MICAL3: variants seen among roughly 807,000 people sequenced by gnomAD.
The protein encoded by MICAL3 is microtubule associated monooxygenase, calponin and LIM domain containing 3, also known as [F-actin]-monooxygenase MICAL3.
Under a neutral mutation model 207.4 loss-of-function variants are expected in MICAL3, and 62 were observed. The ratio of observed to expected loss-of-function variants is 0.30; its 90% CI spans 0.24 to 0.37. The LOEUF is 0.37. Among genes scored for constraint, MICAL3 ranks in the 10% least tolerant of loss-of-function variants. The probability of loss-of-function intolerance (pLI) is 1.00; values close to 1 mark genes in which losing one functional copy is unlikely to be tolerated. For missense variants in MICAL3, 2,368 were observed against 2,635.6 expected (o/e 0.90, Z 2.22); for synonymous variants, 1,077 against 1,069.3 (o/e 1.01, Z -0.14).
chr22:17,889,001 G>A (rs763783796), intron 13 of MICAL3, 33 bp downstream of exon 13: 1 of 1,501,160 alleles, frequency 6.7e-7, no homozygotes, highest in Middle Eastern at 1.8e-4. Context: ...CACAGCAGCA[G>A]GGGGCCGCAA....
chr22:17,993,862 G>A (rs946538575), intron 1 of MICAL3, among the ~76,000 whole-genome samples: 14 of 152,154 alleles, frequency 9.2e-5, no homozygotes, highest in African/African-American at 3.1e-4. Flanking sequence ...AGGTAACCCC[G>A]TGGAATATGC....
At chr22:17,797,703 A>C (rs1434407982) in intron 29 of MICAL3, among the ~76,000 whole-genome samples, 3 of 152,236 alleles carry the variant, frequency 2.0e-5, no homozygotes. Flanking sequence ...AATATCATAC[A>C]TGAATCATGG....
intron 20 of MICAL3, among the ~76,000 whole-genome samples, chr22:17,835,925 G>A (rs1923311648): frequency 6.6e-6 from 1 of 152,202 alleles, no homozygotes; most frequent in African/African-American, 2.4e-5. Context: ...TGAAAGCCAG[G>A]GCAGGCTTAC....
At position 17,852,271 on chromosome 22, in the gene MICAL3, G is replaced by A. The variant is rs779172907; in HGVS notation, c.2606-10254C>T. On this transcript the variant is annotated intron_variant, in intron 19 of 31. Coordinates refer to ENST00000441493, the MANE Select transcript of MICAL3 (RefSeq NM_015241.3). ...TTTTGGAAAGAAACTAAAGTTGCCT[G>A]CCGCAGTGCCCATGACTACCCTGTA... 1.3e-3 allele frequency among the ~76,000 whole-genome samples: 192 copies of A among 152,330 alleles called. 1 individual carries two copies. Among genetic ancestry groups the A allele is most frequent in the Non-Finnish European group, 1.5e-3 (105 of 68,034 alleles).
rs5992108 is a variant in MICAL3, at chr22:17,810,285, A to C, written c.5556+418T>G. ...TCACCGTGTTAGCCAGGATGGTCTC[A>C]ATCTCCTGACCTTGTGATCCGCCCG... On this transcript the variant is annotated intron_variant, in intron 28 of 31. Transcript: ENST00000441493. Among the ~76,000 whole-genome samples, 675 of 151,998 alleles carry C rather than the reference A, an allele frequency of 4.4e-3. 4 individuals carry two copies. Among genetic ancestry groups the C allele is most frequent in the African/African-American group, 0.015 (612 of 41,472 alleles).
rs766268313 is a variant in MICAL3, at chr22:17,790,796, C to A, written c.5945G>T (p.Arg1982Ile). ...AGCCTCCAGGTCCTTGTCCTCCTCT[C>A]TCTCCCGGAGCCGCTGCTCCTCCAG... ...ALLEEQRLRE[R>I]EEDKDLEAAM... The change falls in exon 32 of 32, where the codon AGA (arginine) becomes ATA (isoleucine). Residue 1982 changes from arginine (R) to isoleucine (I), a missense_variant. Around this residue, in one of 4 missense-constraint regions of MICAL3, gnomAD observed 1,770 missense variants for 1,863.2 expected, o/e 0.95. Coordinates refer to ENST00000441493, the MANE Select transcript of MICAL3 (RefSeq NM_015241.3). 5 of 1,613,334 alleles carry A rather than the reference C, an allele frequency of 3.1e-6. 1 individual carries two copies. The South Asian group carries it at 5.5e-5, about 18-fold the overall frequency.
rs67222681 is a variant in MICAL3, at chr22:17,929,568, C to CTTTTTTTTT, written c.-74-22691_-74-22683dup. On this transcript the variant is annotated intron_variant, in intron 1 of 31. Transcript: ENST00000441493. ...ATTTTTCTTTCTTTCCTTTTCTTTT[C>CTTTTTTTTT]TTTTTTTTTTTTTTTTTTTGACAGG... Among the ~76,000 whole-genome samples the CTTTTTTTTT allele has an allele frequency of 1.2e-3, 136 of 108,892 alleles. 2 individuals carry two copies. The highest frequency in any genetic ancestry group is 1.8e-3 in the Non-Finnish European group (102 of 56,908). The allele number at this position is 108,892 out of a possible 152,430, so 71.4% of individuals were successfully genotyped here.
At chr22:18,020,135 A>T (rs1230763711) in intron 1 of MICAL3, 1 of 152,106 alleles carries the variant, frequency 6.6e-6, no homozygotes, top group African/African-American at 2.4e-5. Context: ...TTTTAAGAGG[A>T]CAATTTTAGA....
At chr22:17,804,727 G>A (rs981065875) in intron 29 of MICAL3, among the ~76,000 whole-genome samples, 3 of 152,176 alleles carry the variant, frequency 2.0e-5, no homozygotes, top group Non-Finnish European at 2.9e-5. Flanking sequence ...CGGCCGCCAT[G>A]GTGTTGCCCT....
chr22:17,899,591 T>C (rs1489178121), intron 6 of MICAL3, 43 bp from the exon 7 acceptor site: 1 of 1,289,014 alleles, frequency 7.8e-7, no homozygotes, highest in Admixed American at 1.9e-5. Flanking sequence ...TTTGCTGAGA[T>C]GAAGGTGCAT....
chr22:17,839,673 TC>T (rs896480317), intron 20 of MICAL3: 18 of 151,834 alleles, frequency 1.2e-4, no homozygotes, highest in African/African-American at 4.1e-4. Context: ...TTCCAGTGAT[TC>T]TCCTGCCTCA....
intron 22 of MICAL3, among the ~76,000 whole-genome samples, chr22:17,825,494 C>T (rs1922079995): frequency 6.6e-6 from 1 of 152,100 alleles, no homozygotes; most frequent in South Asian, 2.1e-4. Flanking sequence ...GCCCTAGGGA[C>T]CCAAGCTATC....
chr22:17,897,654 T>C (rs1930969868), intron 7 of MICAL3, among the ~76,000 whole-genome samples: 1 of 152,008 alleles, frequency 6.6e-6, no homozygotes, highest in Non-Finnish European at 1.5e-5. Flanking sequence ...ATGGCTTTTG[T>C]CAAATGGGAC....
intron 28 of MICAL3, among the ~76,000 whole-genome samples, chr22:17,809,492 G>T (rs1399646715): frequency 6.6e-6 from 1 of 152,208 alleles, no homozygotes; most frequent in Non-Finnish European, 1.5e-5. Context: ...AAATTAGCTG[G>T]ATGTGGTGGC....
At chr22:17,837,277 C>T (rs529642667) in intron 20 of MICAL3, among the ~76,000 whole-genome samples, 122 of 152,374 alleles carry the variant, frequency 8.0e-4, no homozygotes, top group Non-Finnish European at 1.5e-3. Flanking sequence ...CCTGAGGGAG[C>T]GGCCTTCTCC....
intron 1 of MICAL3, among the ~76,000 whole-genome samples, chr22:17,927,880 G>A (rs1339805440): frequency 6.6e-6 from 1 of 152,078 alleles, no homozygotes; most frequent in African/African-American, 2.4e-5. Context: ...CCTCCCACCA[G>A]GTGCTGGGCT....
rs961952031 is a variant in MICAL3, at chr22:17,900,690, G to A, written c.847+152C>T. On this transcript the variant is annotated intron_variant, in intron 6 of 31. Transcript: ENST00000441493. This position sits in a 1 kb window ranked among gnomAD's most constrained non-coding sequence, Gnocchi z 4.0. ...AGACAAGTTCTGCAGGAAGCAATGC[G>A]CTAGGAAGAAGGAACAGGAGTGAAA... Among the ~76,000 whole-genome samples, 2 of 152,148 alleles carry A rather than the reference G, an allele frequency of 1.3e-5. No homozygotes were observed. The highest frequency in any genetic ancestry group is 4.8e-5 in the African/African-American group (2 of 41,444).
In MICAL3 at chr22:17,871,734, G is replaced by A. The variant is rs5746488; in HGVS notation, c.2428+103C>T. ...CTGGGAGAGGCATGATGGAAAAGAC[G>A]CACATGGAATAAGGCAGGAAGGGGC... is the stretch of plus-strand genomic sequence containing the variant. On this transcript the variant is annotated intron_variant, in intron 17 of 31. Coordinates refer to ENST00000441493, the MANE Select transcript of MICAL3 (RefSeq NM_015241.3). 2,201 of 1,015,572 alleles carry A rather than the reference G, an allele frequency of 2.2e-3. 20 individuals carry two copies. Among genetic ancestry groups the A allele is most frequent in the East Asian group, 0.021 (781 of 36,758 alleles). The allele number at this position is 1,015,572 out of a possible 1,614,324, so 62.9% of individuals were successfully genotyped here. A position where few individuals can be genotyped will look rare whatever the true frequency, so the allele number is the denominator to read the frequency against.
chr22:17,925,475 A>G (rs548760091), intron 1 of MICAL3, among the ~76,000 whole-genome samples: 10 of 152,334 alleles, frequency 6.6e-5, no homozygotes, highest in Admixed American at 2.0e-4. Flanking sequence ...CCAAACCTGA[A>G]GACGATTATG....
Sources: gnomAD v4.1 joint callset for allele counts (sites outside exome capture counted in the v4.1 genomes callset) on GRCh38, gnomAD v4.1.1 for gene constraint, gnomAD v4.1.1 regional missense constraint, Gnocchi (gnomAD v3.1) non-coding constraint, MANE v1.5 for transcripts, NCBI Gene and HGNC (gene_info 2026-07-23, HGNC 2026-07-21) for gene names.